The following MSH6 variants were observed in gnomAD, a reference collection of about 807,000 sequenced individuals.
MSH6 encodes DNA mismatch repair protein Msh6.
In MSH6, 85 loss-of-function variants were observed where a neutral mutation model predicts 119.1. The observed-to-expected ratio is 0.71, with a 90% CI of 0.60 to 0.85. MSH6 has a LOEUF of 0.85. Ranked by LOEUF, MSH6 falls within the 40% of genes least tolerant of loss-of-function variation. MSH6 has a pLI of 0.00. For missense variants in MSH6, 2,163 were observed against 1,655.3 expected (o/e 1.31, Z -5.32); for synonymous variants, 830 against 586.9 (o/e 1.41, Z -5.99).
chr2:47,789,889 C>A (rs1461689012), intron 1 of MSH6, among the ~76,000 whole-genome samples: 1 of 151,754 alleles, frequency 6.6e-6, no homozygotes, highest in East Asian at 1.9e-4. Context: ...GTACAGTGAT[C>A]ACAGCTCACT....
intron 1 of MSH6, among the ~76,000 whole-genome samples, chr2:47,788,219 C>G (rs909749720): frequency 7.3e-6 from 1 of 137,224 alleles, no homozygotes; most frequent in African/African-American, 2.7e-5. Context: ...TAGCTTACTG[C>G]TATTTCTTTT....
chr2:47,809,930 CTTAAAGT>C (rs1670499432), downstream of MSH6: 2 of 526,216 alleles, frequency 3.8e-6, no homozygotes, highest in South Asian at 5.6e-5. Flanking sequence ...ACCTAACTGT[CTTAAAGT>C]TTAAATACAT....
rs1060502907 is a variant in MSH6, at chr2:47,799,743, C to A, written c.1760C>A (p.Ala587Glu). The A allele has an allele frequency of 6.2e-7, 1 of 1,614,150 alleles. No homozygotes were observed. Among genetic ancestry groups the A allele is most frequent in the South Asian group, 1.1e-5 (1 of 91,084 alleles). Residue 587 changes from alanine (A) to glutamate (E), a missense_variant, in exon 4 of 10, where the codon GCA becomes GAA. Coordinates refer to ENST00000234420, the MANE Select transcript of MSH6 (RefSeq NM_000179.3). ...TGTTCGAGATTTAGGACTCTAGTGG[C>A]ACACTATCCCCCAGTACAAGTTTTA... Reference protein sequence around the residue: ...RHCSRFRTLVAHYPPVQVLFE... With the variant: ...RHCSRFRTLVEHYPPVQVLFE...
rs1553331335 is a variant in MSH6, at chr2:47,803,485, C to G, written c.3238C>G (p.Leu1080Val). The change falls in exon 5 of 10, where the codon CTG becomes GTG. Residue 1080 changes from leucine (L) to valine (V), a missense_variant. Coordinates refer to ENST00000234420, the MANE Select transcript of MSH6 (RefSeq NM_000179.3). ...TGGTCCTATGTGTCGCCCAGTAATT[C>G]TGTTGCCGGAAGATACCCCCCCCTT... ...GDGPMCRPVI[L>V]LPEDTPPFLE... 6.2e-7 allele frequency: 1 copy of G among 1,614,010 alleles called. No individual in the cohort carries two copies. The highest frequency in any genetic ancestry group is 1.3e-5 in the African/African-American group (1 of 74,892).
intron 3 of MSH6, among the ~76,000 whole-genome samples, chr2:47,797,565 C>CG (rs1669174183): frequency 6.6e-6 from 1 of 152,130 alleles, no homozygotes; most frequent in Admixed American, 6.6e-5. Context: ...ATGAGCATAT[C>CG]GCCTCCTGAT....
At chr2:47,792,148 C>CCAGCTAA (rs1211945368) in intron 2 of MSH6, among the ~76,000 whole-genome samples, 5 of 152,104 alleles carry the variant, frequency 3.3e-5, no homozygotes, top group African/African-American at 7.2e-5. Context: ...GCCCAGCCGC[C>CCAGCTAA]CAGCTAATTT....
rs876661082 is a variant in MSH6 at position 47,799,926 on chromosome 2, G to T, written c.1943G>T (p.Ser648Ile). Residue 648 changes from serine to isoleucine, a missense_variant, in exon 4 of 10, where the codon AGT (serine) becomes ATT (isoleucine). Coordinates refer to ENST00000234420, the MANE Select transcript of MSH6 (RefSeq NM_000179.3). ...GAAGAATATTTTAGGGAAAAGCTAA[G>T]TGATGGCATTGGGGTGATGTTACCC... ...LEEEYFREKL[S>I]DGIGVMLPQV... is the part of the protein sequence containing the mutation. 3 of 1,614,168 alleles carry T rather than the reference G, an allele frequency of 1.9e-6. No homozygotes were observed. Among genetic ancestry groups the T allele is most frequent in the Non-Finnish European group, 2.5e-6 (3 of 1,180,038 alleles).
rs267608070 is a variant in MSH6 at position 47,799,753 on chromosome 2, C to T, written c.1770C>T (p.Pro590=). ...TTAGGACTCTAGTGGCACACTATCC[C>T]CCAGTACAAGTTTTATTTGAAAAAG... The part of the protein sequence containing the change: ...SRFRTLVAHY[P]PVQVLFEKGN... The change falls in exon 4 of 10, where the codon CCC becomes CCT. Residue 590 remains proline (P), a synonymous_variant. Coordinates refer to ENST00000234420, the MANE Select transcript of MSH6 (RefSeq NM_000179.3). The T allele has an allele frequency of 1.9e-6, 3 of 1,614,176 alleles. No homozygotes were observed. The highest frequency in any genetic ancestry group is 1.1e-5 in the South Asian group (1 of 91,084).
At chr2:47,804,195 C>T (rs983134555) in intron 5 of MSH6, among the ~76,000 whole-genome samples, 1 of 152,012 alleles carries the variant, frequency 6.6e-6, no homozygotes, top group Non-Finnish European at 1.5e-5. Flanking sequence ...ACTGCAGCCT[C>T]GAACTCCCAG....
chr2:47,808,391 T>A, downstream of MSH6: 1 of 1,608,588 alleles, frequency 6.2e-7, no homozygotes, highest in Non-Finnish European at 8.5e-7. Context: ...AGTTCACACA[T>A]ATGGCATTTC....
chr2:47,805,621 A>C lies in MSH6; in HGVS notation c.3560A>C (p.Glu1187Ala). The part of the protein sequence containing the change: ...LGASDRIMSG[E>A]STFFVELSET... ...TTGTGATTTTTTTTTTTTTAAGGTG[A>C]AAGTACATTTTTTGTTGAATTAAGT... The change falls in exon 7 of 10, where the codon GAA (glutamate) becomes GCA (alanine). Residue 1187 changes from glutamate (E) to alanine (A), a missense_variant. Coordinates refer to ENST00000234420, the MANE Select transcript of MSH6 (RefSeq NM_000179.3). 1 of 1,606,526 alleles carries C rather than the reference A, an allele frequency of 6.2e-7. No individual in the cohort carries two copies. Among genetic ancestry groups the C allele is most frequent in the South Asian group, 1.1e-5 (1 of 90,698 alleles).
rs767658494 is a variant in MSH6, at chr2:47,799,167, C to T, written c.1184C>T (p.Thr395Ile). The T allele has an allele frequency of 1.2e-6, 2 of 1,614,178 alleles. No individual in the cohort carries two copies. Among genetic ancestry groups the T allele is most frequent in the East Asian group, 2.2e-5 (1 of 44,888 alleles). The change falls in exon 4 of 10, where the codon ACA becomes ATA. Residue 395 changes from threonine to isoleucine, a missense_variant. By Grantham distance (89) the Thr-to-Ile change is moderately conservative. Transcript: ENST00000234420. ...RPDHPDFDASTLYVPEDFLNS... is the reference protein window; with the variant it reads ...RPDHPDFDASILYVPEDFLNS... ...GATCACCCCGATTTTGATGCATCTA[C>T]ACTCTATGTGCCTGAGGATTTCCTC...
intron 2 of MSH6, 65 bp from the exon 3 acceptor site, chr2:47,795,828 TG>T: frequency 7.0e-7 from 1 of 1,430,490 alleles, no homozygotes; most frequent in South Asian, 1.2e-5. Flanking sequence ...GGTCTTGAAC[TG>T]CTGGGATTAC....
rs587781609 is a variant in MSH6, at chr2:47,803,608, G to C, written c.3361G>C (p.Glu1121Gln). The stretch of plus-strand genomic sequence containing the variant: ...CATTCTAATAGGCTGTGAGGAAGAG[G>C]AGCAGGAAAATGGCAAAGCCTATTG... ...NDILIGCEEEEQENGKAYCVL... is the reference protein window; with the variant it reads ...NDILIGCEEEQQENGKAYCVL... The change falls in exon 5 of 10, where the codon GAG (glutamate) becomes CAG (glutamine). Residue 1121 changes from glutamate (E) to glutamine (Q), a missense_variant. Coordinates refer to ENST00000234420, the MANE Select transcript of MSH6 (RefSeq NM_000179.3). The C allele has an allele frequency of 6.2e-7, 1 of 1,614,180 alleles. No homozygotes were observed. Among genetic ancestry groups the C allele is most frequent in the Non-Finnish European group, 8.5e-7 (1 of 1,180,024 alleles).
downstream of MSH6, chr2:47,809,089 T>C: frequency 2.1e-6 from 2 of 960,302 alleles, no homozygotes; most frequent in Non-Finnish European, 3.2e-6. Flanking sequence ...CCAAAAATGC[T>C]AGGCATTGCT....
rs786201869 is a variant in MSH6, at chr2:47,783,263, C to T, written c.30C>T (p.Phe10=). MSRQSTLYS[F]FPKSPALSDA... Reference sequence around the variant, plus strand: ...CGCGACAGAGCACCCTGTACAGCTTCTTCCCCAAGTCTCCGGCGCTGAGTG... The same window carrying T: ...CGCGACAGAGCACCCTGTACAGCTTTTTCCCCAAGTCTCCGGCGCTGAGTG... The change falls in exon 1 of 10, where the codon TTC becomes TTT. Residue 10 remains phenylalanine (F), a synonymous_variant. Transcript: ENST00000234420. 2 of 1,612,182 alleles carry T rather than the reference C, an allele frequency of 1.2e-6. No homozygotes were observed. The highest frequency in any genetic ancestry group is 8.5e-7 in the Non-Finnish European group (1 of 1,179,586).
At chr2:47,791,176 G>T (rs1425203602) in intron 2 of MSH6, 53 bp downstream of exon 2, 81 of 1,515,010 alleles carry the variant, frequency 5.3e-5, no homozygotes, top group Non-Finnish European at 7.0e-5. Context: ...GTGTGTGTGT[G>T]AGAGAAACAG....
At position 47,800,158 on chromosome 2, in the gene MSH6, C is replaced by G. The variant is rs63750304; in HGVS notation, c.2175C>G (p.Ile725Met). ...TCAGCACTACAAGATCTGGTGCTAT[C>G]TTCACCAAAGCCTATCAACGAATGG... ...DTVSTTRSGA[I>M]FTKAYQRMVL... The change falls in exon 4 of 10, where the codon ATC (isoleucine) becomes ATG (methionine). Residue 725 changes from isoleucine (I) to methionine (M), a missense_variant. Physicochemically the swap from Ile to Met is conservative, Grantham distance 10. Coordinates refer to ENST00000234420, the MANE Select transcript of MSH6 (RefSeq NM_000179.3). 16 of 1,614,074 alleles carry G rather than the reference C, an allele frequency of 9.9e-6. No homozygotes were observed. Among genetic ancestry groups the G allele is most frequent in the Admixed American group, 1.7e-5 (1 of 60,000 alleles).
rs772401158 is a variant in MSH6, at chr2:47,806,643, A to G, written c.3993A>G (p.Arg1331=). The change falls in exon 9 of 10, where the codon CGA becomes CGG. Residue 1331 remains arginine (R), a synonymous_variant. Transcript: ENST00000234420. ...REFEKMNQSL[R]LFREVCLASE... The stretch of plus-strand genomic sequence containing the variant: ...TTGAGAAGATGAATCAGTCACTACG[A>G]TTATTTCGGTAACTAACTAACTATA... The G allele has an allele frequency of 1.9e-6, 3 of 1,610,116 alleles. No individual in the cohort carries two copies. In the South Asian group the frequency reaches 3.3e-5, roughly 18 times the overall value.
Sources: allele counts gnomAD v4.1 joint callset (sites outside exome capture counted in the v4.1 genomes callset), GRCh38; gene constraint gnomAD v4.1.1; transcripts MANE v1.5; gene names NCBI Gene and HGNC (gene_info 2026-07-23, HGNC 2026-07-21).